The following ACVRL1 variants were observed in gnomAD, a reference collection of about 807,000 sequenced individuals.
ACVRL1 encodes activin receptor type-1-like.
Under a neutral mutation model 51.9 loss-of-function variants are expected in ACVRL1, and 20 were observed. The observed-to-expected ratio is 0.39, with a 90% CI of 0.27 to 0.56. The LOEUF (loss-of-function observed/expected upper bound fraction) is 0.56, where lower values mean the gene tolerates loss of function less well. Ranked by LOEUF, ACVRL1 falls within the 20% of genes least tolerant of loss-of-function variation. The pLI is 0.67. For synonymous variants in ACVRL1, 288 were observed against 280.9 expected (o/e 1.03, Z -0.25); for missense variants, 451 against 670.3 (o/e 0.67, Z 3.61).
chr12:51,919,253 C>A, intron 9 of ACVRL1, 138 bp downstream of exon 9: 1 of 1,339,710 alleles, frequency 7.5e-7, no homozygotes, highest in South Asian at 1.3e-5. Flanking sequence ...TCTCTAGGTA[C>A]TCCCTCTTTC....
chr12:51,919,081 C>T lies in ACVRL1; in HGVS notation c.1343C>T (p.Thr448Ile). ...AAGGTGGTGTGTGTGGATCAGCAGA[C>T]CCCCACCATCCCTAACCGGCTGGCT... ...MKKVVCVDQQ[T>I]PTIPNRLAAD... Residue 448 changes from threonine (T) to isoleucine (I), a missense_variant, in exon 9 of 10, where the codon ACC becomes ATC. By Grantham distance (89) the Thr-to-Ile change is moderately conservative. Transcript: ENST00000388922. 1 of 1,613,914 alleles carries T rather than the reference C, an allele frequency of 6.2e-7. No individual in the cohort carries two copies. The highest frequency in any genetic ancestry group is 1.1e-5 in the South Asian group (1 of 91,054).
rs771689024 is a variant in ACVRL1 at position 51,914,103 on chromosome 12, G to A, written c.625+30G>A. ...GCAGTGGGTGAGCCCGGTGGATGAGGACCAAGGGCTCTCATGAGCCTGGAG... is the reference window on the plus strand; with the variant it reads ...GCAGTGGGTGAGCCCGGTGGATGAGAACCAAGGGCTCTCATGAGCCTGGAG... On this transcript the variant is annotated intron_variant, in intron 5 of 9. Transcript: ENST00000388922. 8.1e-6 allele frequency: 13 copies of A among 1,602,936 alleles called. No homozygotes were observed. The Admixed American group carries it at 2.0e-4, about 25-fold the overall frequency.
At chr12:51,910,738 C>T (rs1025266777) in intron 1 of ACVRL1, among the ~76,000 whole-genome samples, 1 of 152,212 alleles carries the variant, frequency 6.6e-6, no homozygotes, top group African/African-American at 2.4e-5. Flanking sequence ...CCATCCCATC[C>T]CACCGTCAGT....
chr12:51,922,440 C>T lies in ACVRL1; in HGVS notation c.*1547C>T, dbSNP rs1941004850. The T allele has an allele frequency of 6.6e-6, 1 of 152,484 alleles. No homozygotes were observed. The highest frequency in any genetic ancestry group is 6.5e-5 in the Admixed American group (1 of 15,288). 9.4% of individuals were successfully genotyped at this position (152,484 alleles called of 1,614,324 possible). ...AGAAATTTGGCTCCATCCAAGAAGG[C>T]TCCAGCTCCCCTACTGGCCCCTGGC... On this transcript the variant is annotated 3_prime_UTR_variant, in exon 10 of 10. Coordinates refer to ENST00000388922, the MANE Select transcript of ACVRL1 (RefSeq NM_000020.3).
In ACVRL1 at chr12:51,921,183, G is replaced by T; in HGVS notation, c.*290G>T. ...ACCACTCCCGGGACAGGATGCAAAA[G>T]AGGCTCCAGAGTCAGAGTGCCAAGC... On this transcript the variant is annotated 3_prime_UTR_variant, in exon 10 of 10. Coordinates refer to ENST00000388922, the MANE Select transcript of ACVRL1 (RefSeq NM_000020.3). The T allele has an allele frequency of 2.3e-6, 1 of 431,948 alleles. No individual in the cohort carries two copies. The highest frequency in any genetic ancestry group is 2.1e-5 in the South Asian group (1 of 48,332). The allele number at this position is 431,948 out of a possible 1,614,324, so 26.8% of individuals were successfully genotyped here.
In ACVRL1 at chr12:51,922,412, A is replaced by T. The variant is rs776700846; in HGVS notation, c.*1519A>T. On this transcript the variant is annotated 3_prime_UTR_variant, in exon 10 of 10. Transcript: ENST00000388922. Reference sequence around the variant, plus strand: ...GCTTCCTCCAAGGCTTCCAAGGCTCAAAAGAAATTTGGCTCCATCCAAGAA... The same window carrying T: ...GCTTCCTCCAAGGCTTCCAAGGCTCTAAAGAAATTTGGCTCCATCCAAGAA... 6.6e-6 allele frequency: 1 copy of T among 152,400 alleles called. No homozygotes were observed. Among genetic ancestry groups the T allele is most frequent in the Non-Finnish European group, 1.5e-5 (1 of 68,240 alleles). 9.4% of individuals were successfully genotyped at this position (152,400 alleles called of 1,614,324 possible).
chr12:51,919,415 G>C, intron 9 of ACVRL1: 1 of 444,582 alleles, frequency 2.2e-6, no homozygotes, highest in Admixed American at 3.5e-5. Flanking sequence ...TTGAGAGTCA[G>C]GGTTTTGTTT....
At chr12:51,912,374 A>T (rs963789971) in intron 1 of ACVRL1, 96 bp from the exon 2 acceptor site, 1 of 1,440,302 alleles carries the variant, frequency 6.9e-7, no homozygotes, top group Non-Finnish European at 9.7e-7. Context: ...CCCCTCCAAA[A>T]AAAACTCTGT....
intron 1 of ACVRL1, among the ~76,000 whole-genome samples, chr12:51,910,858 TC>T (rs1192891224): frequency 6.6e-6 from 1 of 151,970 alleles, no homozygotes; most frequent in Admixed American, 6.6e-5. Flanking sequence ...CTCTGTTTCC[TC>T]CCCCAGCCTG....
chr12:51,915,021 G>A (rs1209914279), intron 6 of ACVRL1, among the ~76,000 whole-genome samples: 2 of 152,128 alleles, frequency 1.3e-5, no homozygotes, highest in South Asian at 4.1e-4. Flanking sequence ...TGGGATTACA[G>A]GTGCAAGCCA....
chr12:51,915,143 C>G lies in ACVRL1; in HGVS notation c.773-82C>G, dbSNP rs1000575927. The G allele has an allele frequency of 9.9e-6, 15 of 1,509,906 alleles. No homozygotes were observed. In the African/African-American group the frequency reaches 2.1e-4, roughly 21 times the overall value. The allele number at this position is 1,509,906 out of a possible 1,614,324, so 93.5% of individuals were successfully genotyped here. A position where few individuals can be genotyped will look rare whatever the true frequency, so the allele number is the denominator to read the frequency against. On this transcript the variant is annotated intron_variant, in intron 6 of 9. Coordinates refer to ENST00000388922, the MANE Select transcript of ACVRL1 (RefSeq NM_000020.3). ...AGTGACCCAGTCCATTCCCTCTCCCCCAACCCCACCCTGACCCTGACGACT... is the reference window on the plus strand; with the variant it reads ...AGTGACCCAGTCCATTCCCTCTCCCGCAACCCCACCCTGACCCTGACGACT...
In ACVRL1 at chr12:51,919,161, G is replaced by A. The variant is rs776465564; in HGVS notation, c.1377+46G>A. On this transcript the variant is annotated intron_variant, in intron 9 of 9. Transcript: ENST00000388922. ...AGGATGGCGTGGGGTGGTGGCTCAT[G>A]GCTGGGATTTCTGGGCCCAGGAACT... 39 of 1,613,162 alleles carry A rather than the reference G, an allele frequency of 2.4e-5. No individual in the cohort carries two copies. The South Asian group carries it at 3.8e-4, about 16-fold the overall frequency.
In ACVRL1 at chr12:51,913,584, G is replaced by C; in HGVS notation, c.339G>C (p.Pro113=). ...CCACCCAACCTCCTTCGGAGCAGCC[G>C]GGAACAGATGGCCAGCTGGCCCTGA... is the stretch of plus-strand genomic sequence containing the variant. The part of the protein sequence containing the change: ...LEATQPPSEQ[P]GTDGQLALIL... Residue 113 remains proline (P), a synonymous_variant, in exon 4 of 10, where the codon CCG becomes CCC. Transcript: ENST00000388922. 4 of 1,599,416 alleles carry C rather than the reference G, an allele frequency of 2.5e-6. No individual in the cohort carries two copies. Among genetic ancestry groups the C allele is most frequent in the Non-Finnish European group, 2.5e-6 (3 of 1,179,822 alleles).
rs1320986090 is a variant in ACVRL1, at chr12:51,907,908, A to C, written c.-6+213A>C. Among the ~76,000 whole-genome samples the C allele has an allele frequency of 2.0e-5, 3 of 152,196 alleles. No homozygotes were observed. In the East Asian group the frequency reaches 5.8e-4, roughly 29 times the overall value. On this transcript the variant is annotated intron_variant, in intron 1 of 9. Transcript: ENST00000388922. The surrounding 1 kb of genome is among the most constrained non-coding windows in gnomAD (Gnocchi z 4.5). ...AGGGGAATGGACGAGACTGGACTGG[A>C]AATCAGAAACTTGGTTCTAGTCGGG...
At position 51,913,095 on chromosome 12, in the gene ACVRL1, C is replaced by T. The variant is rs1249168634; in HGVS notation, c.62-4C>T. 2 of 1,601,972 alleles carry T rather than the reference C, an allele frequency of 1.2e-6. No individual in the cohort carries two copies. The highest frequency in any genetic ancestry group is 8.5e-7 in the Non-Finnish European group (1 of 1,178,880). ...AGTGGCTGAGCTTCCGGTGTGTCTT[C>T]CAGGAGACCCTGTGAAGCCGTCTCG... On this transcript the variant is annotated splice_polypyrimidine_tract_variant and splice_region_variant and intron_variant, in intron 2 of 9. Transcript: ENST00000388922.
chr12:51,916,309 G>A, intron 8 of ACVRL1, 76 bp downstream of exon 8: 1 of 1,521,920 alleles, frequency 6.6e-7, no homozygotes, highest in Non-Finnish European at 8.9e-7. Context: ...CATGGCCAGT[G>A]CCCATGGCCT....
Position 51,916,026 on chromosome 12 carries a change from AC to A in ACVRL1, c.1049-5del. On this transcript the variant is annotated splice_polypyrimidine_tract_variant and intron_variant, in intron 7 of 9. Coordinates refer to ENST00000388922, the MANE Select transcript of ACVRL1 (RefSeq NM_000020.3). ...GAGAGGGGCAGGAGTGACAGGCCTC[AC>A]CCCCACAGGCCTGGCTGTGATGCAC... 1 of 1,609,302 alleles carries A rather than the reference AC, an allele frequency of 6.2e-7. No homozygotes were observed. The highest frequency in any genetic ancestry group is 8.5e-7 in the Non-Finnish European group (1 of 1,177,142).
chr12:51,916,014 G>A, intron 7 of ACVRL1, 22 bp from the exon 8 acceptor site: 2 of 1,607,452 alleles, frequency 1.2e-6, no homozygotes, highest in Non-Finnish European at 1.7e-6. Flanking sequence ...AGGGGCAGGA[G>A]TGACAGGCCT....
At chr12:51,914,390 G>A in intron 5 of ACVRL1, 49 bp from the exon 6 acceptor site, 2 of 1,613,338 alleles carry the variant, frequency 1.2e-6, no homozygotes, top group Non-Finnish European at 1.7e-6. Context: ...GCTCTTCCAG[G>A]GCTCTGTGTG....
Sources: allele counts gnomAD v4.1 joint callset (sites outside exome capture counted in the v4.1 genomes callset), GRCh38; gene constraint gnomAD v4.1.1; non-coding constraint Gnocchi (gnomAD v3.1); transcripts MANE v1.5; gene names NCBI Gene and HGNC (gene_info 2026-07-23, HGNC 2026-07-21).